The following ST8SIA6 variants were observed in gnomAD, a reference collection of about 807,000 sequenced individuals.
ST8SIA6 encodes alpha-2,8-sialyltransferase 8F.
ST8SIA6 carries 39 observed loss-of-function variants against 33.6 expected under a neutral mutation model. That is an observed-to-expected ratio of 1.16 (90% confidence interval 0.90 to 1.52). The LOEUF is 1.52. Among genes scored for constraint, ST8SIA6 ranks in the 40% most tolerant of loss-of-function variants. The pLI is 0.00. For missense variants in ST8SIA6, 441 were observed against 443.8 expected (o/e 0.99, Z 0.06); for synonymous variants, 172 against 167.2 (o/e 1.03, Z -0.22).
chr10:17,389,087 A>G (rs913729021), intron 3 of ST8SIA6, among the ~76,000 whole-genome samples: 3 of 152,154 alleles, frequency 2.0e-5, no homozygotes, highest in African/African-American at 7.2e-5. Context: ...ACCCAGGAAC[A>G]GAAGATGGCA....
chr10:17,434,566 G>A (rs1350955134), intron 2 of ST8SIA6, among the ~76,000 whole-genome samples: 1 of 152,124 alleles, frequency 6.6e-6, no homozygotes, highest in Non-Finnish European at 1.5e-5. Context: ...AGAATCTTTG[G>A]ATATAAATTC....
At chr10:17,393,849 A>G (rs7917902) in intron 2 of ST8SIA6, among the ~76,000 whole-genome samples, 4,952 of 152,286 alleles carry the variant, frequency 0.033, 81 homozygotes, top group South Asian at 0.056. Flanking sequence ...TGGGCTCACA[A>G]AAGTCCCTCT....
intron 4 of ST8SIA6, among the ~76,000 whole-genome samples, chr10:17,351,332 C>G (rs1588826060): frequency 6.6e-6 from 1 of 151,396 alleles, no homozygotes; most frequent in East Asian, 1.9e-4. Flanking sequence ...GAAAATTCAT[C>G]TCAATTCTCT....
chr10:17,388,797 C>G (rs913087608), intron 3 of ST8SIA6, among the ~76,000 whole-genome samples: 2 of 152,158 alleles, frequency 1.3e-5, no homozygotes, highest in Admixed American at 6.5e-5. Context: ...GAGTCTGAAA[C>G]AAAATTGATA....
Position 17,375,614 on chromosome 10 carries a change from C to T in ST8SIA6, c.290+14917G>A, listed in dbSNP as rs367682919. 6.6e-5 allele frequency among the ~76,000 whole-genome samples: 10 copies of T among 152,350 alleles called. No homozygotes were observed. In the East Asian group the frequency reaches 9.6e-4, roughly 15 times the overall value. On this transcript the variant is annotated intron_variant, in intron 3 of 7. Transcript: ENST00000377602. The stretch of plus-strand genomic sequence containing the variant: ...AAATAGCTCATCAAACATAGACACT[C>T]ACCTATGGCGTAAGCCGCACTTAGT...
At chr10:17,427,992 A>G (rs1851989678) in intron 2 of ST8SIA6, among the ~76,000 whole-genome samples, 2 of 152,202 alleles carry the variant, frequency 1.3e-5, no homozygotes, top group Admixed American at 6.5e-5. Context: ...GAGTCCTTCT[A>G]TTTGTATGAA....
chr10:17,329,339 C>T (rs1288111430), intron 5 of ST8SIA6, among the ~76,000 whole-genome samples: 2 of 152,196 alleles, frequency 1.3e-5, no homozygotes, highest in Admixed American at 1.3e-4. Context: ...AGGCGGTTTG[C>T]TCCAGAGTAC....
At chr10:17,402,671 A>T in intron 2 of ST8SIA6, among the ~76,000 whole-genome samples, 1 of 152,200 alleles carries the variant, frequency 6.6e-6, no homozygotes. Flanking sequence ...AACTATCGCA[A>T]GAACAAAAAA....
chr10:17,355,798 C>T (rs980195582), intron 4 of ST8SIA6, among the ~76,000 whole-genome samples: 1 of 152,182 alleles, frequency 6.6e-6, no homozygotes, highest in Admixed American at 6.5e-5. Context: ...TGCATCAGAT[C>T]CTTCCTTGTC....
At chr10:17,414,324 A>G (rs1485760987) in intron 2 of ST8SIA6, among the ~76,000 whole-genome samples, 1 of 152,054 alleles carries the variant, frequency 6.6e-6, no homozygotes, top group Non-Finnish European at 1.5e-5. Flanking sequence ...CTCTTTCAAA[A>G]TTGTTATTTA....
In ST8SIA6 at chr10:17,357,848, T is replaced by C. The variant is rs117504178; in HGVS notation, c.377+1666A>G. 4.6e-4 allele frequency among the ~76,000 whole-genome samples: 70 copies of C among 152,326 alleles called. No individual in the cohort carries two copies. The East Asian group carries it at 0.012, about 26-fold the overall frequency. On this transcript the variant is annotated intron_variant, in intron 4 of 7. Transcript: ENST00000377602. The stretch of plus-strand genomic sequence containing the variant: ...CTAATTATCTTAGATTGATCCTCAA[T>C]AGCTCACTACCTGAATCTCTCCCTC...
chr10:17,331,465 C>T lies in ST8SIA6; in HGVS notation c.465G>A (p.Glu155=). The change falls in exon 5 of 8, where the codon GAG becomes GAA. Residue 155 remains glutamate (E), a synonymous_variant. Transcript: ENST00000377602. ...NTPVGTNMSY[E]VESKKEIPIK... ...TTGGGATTTCTTTTTTGCTTTCCAC[C>T]TCGTAACTCATATTAGTCCCAACTG... is the stretch of plus-strand genomic sequence containing the variant. 1 of 1,613,324 alleles carries T rather than the reference C, an allele frequency of 6.2e-7. No homozygotes were observed. The highest frequency in any genetic ancestry group is 8.5e-7 in the Non-Finnish European group (1 of 1,179,726).
chr10:17,393,821 C>T (rs1245078623), intron 2 of ST8SIA6, among the ~76,000 whole-genome samples: 2 of 152,176 alleles, frequency 1.3e-5, no homozygotes, highest in East Asian at 1.9e-4. Context: ...TTTCTAAAAA[C>T]TGCCTGCAGA....
At chr10:17,331,326 A>G in intron 5 of ST8SIA6, 82 bp downstream of exon 5, 1 of 1,473,194 alleles carries the variant, frequency 6.8e-7, no homozygotes, top group Non-Finnish European at 9.1e-7. Context: ...TGAGTCCATC[A>G]TAATTGTAAG....
chr10:17,351,064 T>G (rs1849014484), intron 4 of ST8SIA6, among the ~76,000 whole-genome samples: 1 of 152,078 alleles, frequency 6.6e-6, no homozygotes, highest in Admixed American at 6.6e-5. Context: ...ATCTTGCCAC[T>G]TTTCCCTTTC....
chr10:17,390,060 G>A (rs1850529124), intron 3 of ST8SIA6, among the ~76,000 whole-genome samples: 1 of 152,150 alleles, frequency 6.6e-6, no homozygotes, highest in Admixed American at 6.5e-5. Flanking sequence ...TGCCATCATA[G>A]CTCACTGCAA....
At chr10:17,374,764 T>TATATACACAC (rs1441288579) in intron 3 of ST8SIA6, among the ~76,000 whole-genome samples, 3 of 126,846 alleles carry the variant, frequency 2.4e-5, no homozygotes, top group Non-Finnish European at 5.0e-5. Context: ...TATATATATA[T>TATATACACAC]ATATTTAGCT....
chr10:17,440,108 T>C (rs1405089264), intron 2 of ST8SIA6, among the ~76,000 whole-genome samples: 2 of 152,080 alleles, frequency 1.3e-5, no homozygotes, highest in Non-Finnish European at 1.5e-5. Flanking sequence ...TTCATAATCA[T>C]AAGCAATAGG....
At chr10:17,329,011 A>G (rs1848218755) in intron 5 of ST8SIA6, among the ~76,000 whole-genome samples, 1 of 152,174 alleles carries the variant, frequency 6.6e-6, no homozygotes, top group Non-Finnish European at 1.5e-5. Context: ...ACAACAGCCC[A>G]GGGCCGATGT....
Sources: gnomAD v4.1 joint callset for allele counts (sites outside exome capture counted in the v4.1 genomes callset) on GRCh38, gnomAD v4.1.1 for gene constraint, MANE v1.5 for transcripts, NCBI Gene and HGNC (gene_info 2026-07-23, HGNC 2026-07-21) for gene names.